SNRPN: variants seen among roughly 807,000 people sequenced by gnomAD.
SNRPN encodes the protein small nuclear ribonucleoprotein polypeptide N.
A neutral mutation model predicts 25.2 loss-of-function variants in SNRPN; 7 were observed. The ratio of observed to expected loss-of-function variants is 0.28; its 90% CI spans 0.16 to 0.52. The LOEUF (loss-of-function observed/expected upper bound fraction) is 0.52, where lower values mean the gene tolerates loss of function less well. Ranked by LOEUF, SNRPN falls within the 20% of genes least tolerant of loss-of-function variation. The pLI is 0.96. For synonymous variants in SNRPN, 124 were observed against 110.6 expected (o/e 1.12, Z -0.76); for missense variants, 196 against 322.5 (o/e 0.61, Z 3.00).
At chr15:24,871,535 T>C (rs1437916568) in intron 1 of SNRPN, among the ~76,000 whole-genome samples, 3 of 152,168 alleles carry the variant, frequency 2.0e-5, no homozygotes, top group Non-Finnish European at 4.4e-5. Flanking sequence ...GGACTAATGA[T>C]GTCAATCATC....
chr15:24,954,875 G>A (rs1018237168), upstream of SNRPN: 55 of 857,106 alleles, frequency 6.4e-5, no homozygotes, highest in South Asian at 6.5e-4. Context: ...GAGGGAGCTG[G>A]GACCCCTGCA....
intron 3 of SNRPN, among the ~76,000 whole-genome samples, chr15:24,924,945 G>T (rs1484026410): frequency 6.6e-6 from 1 of 152,146 alleles, no homozygotes; most frequent in Middle Eastern, 3.2e-3. Flanking sequence ...GATGATAAAT[G>T]TCTGCATGTC....
At chr15:24,878,033 T>C (rs540226573) in intron 1 of SNRPN, among the ~76,000 whole-genome samples, 2 of 152,296 alleles carry the variant, frequency 1.3e-5, no homozygotes, top group African/African-American at 4.8e-5. Context: ...CACATAAAAT[T>C]TGATTGTAAA....
At chr15:24,878,560 C>T (rs1047927055) in intron 1 of SNRPN, among the ~76,000 whole-genome samples, 3 of 152,164 alleles carry the variant, frequency 2.0e-5, no homozygotes, top group African/African-American at 7.2e-5. Context: ...GCGTTTTACT[C>T]GTAAAAATTT....
At chr15:24,849,268 T>G (rs927845272) in intron 2 of SNRPN, 1 of 152,276 alleles carries the variant, frequency 6.6e-6, no homozygotes, top group Non-Finnish European at 1.5e-5. Context: ...GTCATGCTTT[T>G]CTGTGTATCC....
chr15:24,866,447 G>T (rs1205146055), intron 1 of SNRPN, among the ~76,000 whole-genome samples: 4 of 152,178 alleles, frequency 2.6e-5, no homozygotes, highest in Admixed American at 2.0e-4. Flanking sequence ...ACCTAGGCTG[G>T]AGTGCAGTGG....
chr15:24,870,246 T>C (rs2054962887), intron 1 of SNRPN, among the ~76,000 whole-genome samples: 1 of 152,174 alleles, frequency 6.6e-6, no homozygotes, highest in Non-Finnish European at 1.5e-5. Context: ...GGAAAATGGC[T>C]TTTAAAACAA....
At chr15:24,873,624 T>G (rs866482233) in intron 1 of SNRPN, among the ~76,000 whole-genome samples, 15 of 152,120 alleles carry the variant, frequency 9.9e-5, no homozygotes, top group Middle Eastern at 3.4e-3. Flanking sequence ...ATTTTTTGTA[T>G]TTTTAGTAGA....
At chr15:24,971,096 A>G (rs1225193070) in intron 3 of SNRPN, among the ~76,000 whole-genome samples, 1 of 152,082 alleles carries the variant, frequency 6.6e-6, no homozygotes, top group Non-Finnish European at 1.5e-5. Context: ...TAGTCATCTT[A>G]TTTTACTTTT....
intron 2 of SNRPN, among the ~76,000 whole-genome samples, chr15:24,830,642 A>G (rs2050438327): frequency 6.6e-6 from 1 of 152,032 alleles, no homozygotes; most frequent in Non-Finnish European, 1.5e-5. Flanking sequence ...CTTTCAATTT[A>G]GTTCAAATTA....
At chr15:24,960,757 T>G (rs534447219) in intron 1 of SNRPN, among the ~76,000 whole-genome samples, 152 of 152,288 alleles carry the variant, frequency 1.0e-3, no homozygotes, top group Middle Eastern at 6.8e-3. Context: ...TGAGAGTTCC[T>G]TACATATTCT....
chr15:24,897,429 T>A (rs2058141609), intron 2 of SNRPN, among the ~76,000 whole-genome samples: 1 of 152,070 alleles, frequency 6.6e-6, no homozygotes, highest in South Asian at 2.1e-4. Flanking sequence ...CTCTACAAAA[T>A]TAAAAAATTA....
intron 2 of SNRPN, among the ~76,000 whole-genome samples, chr15:24,966,807 A>C (rs747157993): frequency 6.6e-6 from 1 of 152,146 alleles, no homozygotes; most frequent in Non-Finnish European, 1.5e-5. Flanking sequence ...AAATCCTTAC[A>C]TGCCAACAAG....
In SNRPN at chr15:24,918,823, C is replaced by T. The variant is rs1418311336; in HGVS notation, c.-504-1188C>T. 1.2e-4 allele frequency among the ~76,000 whole-genome samples: 12 copies of T among 102,870 alleles called. 2 individuals carry two copies. Among genetic ancestry groups the T allele is most frequent in the East Asian group, 5.5e-4 (2 of 3,622 alleles). The allele number at this position is 102,870 out of a possible 152,430, so 67.5% of individuals were successfully genotyped here. ...ATATATATAACAATATATATATGTG[C>T]GCATATATATAATATATATATGCGC... On this transcript the variant is annotated intron_variant, in intron 2 of 11. Transcript: ENST00000400097.
intron 3 of SNRPN, among the ~76,000 whole-genome samples, chr15:24,922,056 A>T (rs886944154): frequency 3.3e-5 from 5 of 149,706 alleles, no homozygotes; most frequent in African/African-American, 5.0e-5. Flanking sequence ...AAAAAAAAAA[A>T]AAAAAAATTA....
chr15:24,928,324 C>T (rs570757132), intron 3 of SNRPN, among the ~76,000 whole-genome samples: 152 of 152,000 alleles, frequency 1.0e-3, no homozygotes, highest in Admixed American at 1.4e-3. Flanking sequence ...TGGAATCCAC[C>T]GAAGTGTTCA....
chr15:24,882,477 ATG>A (rs554060701), intron 1 of SNRPN, among the ~76,000 whole-genome samples: 276 of 152,252 alleles, frequency 1.8e-3, no homozygotes, highest in South Asian at 2.7e-3. Context: ...CATAGCACAG[ATG>A]CTCCTCGACT....
At chr15:24,869,161 T>C (rs1038812033) in intron 1 of SNRPN, among the ~76,000 whole-genome samples, 5 of 152,030 alleles carry the variant, frequency 3.3e-5, no homozygotes, top group Non-Finnish European at 5.9e-5. Context: ...AATGGGGATA[T>C]GCACTCAGGG....
chr15:24,926,926 G>A (rs141268859), intron 3 of SNRPN, among the ~76,000 whole-genome samples: 7 of 152,126 alleles, frequency 4.6e-5, no homozygotes, highest in Admixed American at 2.0e-4. Context: ...CAGGAGGATC[G>A]CTTGGGTACA....
Sources: gnomAD v4.1 joint callset for allele counts (sites outside exome capture counted in the v4.1 genomes callset) on GRCh38, gnomAD v4.1.1 for gene constraint, MANE v1.5 for transcripts, NCBI Gene and HGNC (gene_info 2026-07-23, HGNC 2026-07-21) for gene names.